AKR1B10: variants seen among roughly 807,000 people sequenced by gnomAD.
AKR1B10 encodes the protein aldo-keto reductase family 1 member B10.
In AKR1B10, 39 loss-of-function variants were observed where a neutral mutation model predicts 38.9. That is an observed-to-expected ratio of 1.00 (90% CI 0.78 to 1.31). AKR1B10 has a LOEUF of 1.31. Among genes scored for constraint, AKR1B10 ranks in the 50% most tolerant of loss-of-function variants. The pLI, the probability that AKR1B10 is intolerant of heterozygous loss-of-function variation, is 0.00. For missense variants in AKR1B10, 361 were observed against 382.6 expected (o/e 0.94, Z 0.47); for synonymous variants, 148 against 141.2 (o/e 1.05, Z -0.34).
chr7:134,537,691 A>C (rs1256934022), intron 7 of AKR1B10, 30 bp downstream of exon 7: 7 of 1,610,342 alleles, frequency 4.3e-6, no homozygotes, highest in Non-Finnish European at 5.9e-6. Context: ...CTTGTTATCC[A>C]ACAACTCATT....
chr7:134,531,692 C>G (rs1646764), intron 2 of AKR1B10, among the ~76,000 whole-genome samples: 77,581 of 152,086 alleles, frequency 0.51, 20,754 homozygotes, highest in African/African-American at 0.67. Context: ...AGTACTAGGA[C>G]AGTTGAAAAA....
intron 9 of AKR1B10, 33 bp downstream of exon 9, chr7:134,539,050 CAGG>C (rs1342258814): frequency 1.2e-6 from 2 of 1,612,990 alleles, no homozygotes; most frequent in Non-Finnish European, 1.7e-6. Context: ...GAAGCATTGC[CAGG>C]AGTTTTTCTA....
chr7:134,538,299 C>G (rs55687324), intron 8 of AKR1B10, 22 bp downstream of exon 8: 30,672 of 1,603,940 alleles, frequency 0.019, 512 homozygotes, highest in South Asian at 0.064. Flanking sequence ...GCTGGTCGGC[C>G]CTGGTATTCC....
At position 134,530,727 on chromosome 7, in the gene AKR1B10, A is replaced by G; in HGVS notation, c.151A>G (p.Asn51Asp). 1.2e-6 allele frequency: 2 copies of G among 1,614,104 alleles called. No individual in the cohort carries two copies. The highest frequency in any genetic ancestry group is 1.1e-5 in the South Asian group (1 of 91,078). ...CATTGACTGTGCCTATGTCTATCAG[A>G]ATGAACATGAAGTGGGGGAAGCCAT... ...RHIDCAYVYQ[N>D]EHEVGEAIQE... is the part of the protein sequence containing the mutation. The change falls in exon 2 of 10, where the codon AAT (asparagine) becomes GAT (aspartate). Residue 51 changes from asparagine to aspartate, a missense_variant. Physicochemically the swap from Asn to Asp is conservative, Grantham distance 23. Transcript: ENST00000359579.
chr7:134,531,853 C>A, intron 2 of AKR1B10, 55 bp from the exon 3 acceptor site: 1 of 1,597,810 alleles, frequency 6.3e-7, no homozygotes, highest in Non-Finnish European at 8.6e-7. Flanking sequence ...ACAATGAGTA[C>A]AATGTGGCCC....
At position 134,530,790 on chromosome 7, in the gene AKR1B10, G is replaced by A; in HGVS notation, c.214G>A (p.Asp72Asn). 6.2e-7 allele frequency: 1 copy of A among 1,613,158 alleles called. No individual in the cohort carries two copies. Among genetic ancestry groups the A allele is most frequent in the East Asian group, 2.2e-5 (1 of 44,842 alleles). The part of the protein sequence containing the change: ...KIQEKAVKRE[D>N]LFIVSKLWPT... ...CCAAGAGAAGGCTGTGAAGCGGGAG[G>A]ACCTGTTCATCGTCAGCAAGGTGCA... Residue 72 changes from aspartate to asparagine, a missense_variant, in exon 2 of 10, where the codon GAC becomes AAC. Coordinates refer to ENST00000359579, the MANE Select transcript of AKR1B10 (RefSeq NM_020299.5).
chr7:134,528,058 G>A (rs1807735433), intron 1 of AKR1B10, 81 bp downstream of exon 1: 2 of 1,559,160 alleles, frequency 1.3e-6, no homozygotes, highest in Non-Finnish European at 1.8e-6. Context: ...AGCCAGGAAA[G>A]CCTGGAGGTC....
chr7:134,535,585 CTTTTTTTTT>C (rs58628862), intron 4 of AKR1B10: 439 of 410,544 alleles, frequency 1.1e-3, no homozygotes, highest in Non-Finnish European at 1.3e-3. Flanking sequence ...TCTTTTCTGT[CTTTTTTTTT>C]TTTTTTTTTT....
intron 9 of AKR1B10, 22 bp from the exon 10 acceptor site, chr7:134,541,025 T>C (rs377168774): frequency 1.2e-5 from 18 of 1,526,454 alleles, no homozygotes; most frequent in Admixed American, 5.0e-5. Context: ...TCTCTGTTTT[T>C]GTTTTTTGTT....
At chr7:134,540,264 A>T (rs1003711256) in intron 9 of AKR1B10, among the ~76,000 whole-genome samples, 1 of 152,098 alleles carries the variant, frequency 6.6e-6, no homozygotes, top group African/African-American at 2.4e-5. Flanking sequence ...CTTGCATGTC[A>T]TGATATTCCA....
Position 134,535,608 on chromosome 7 carries a change from T to TTTTTTG in AKR1B10, c.430-1042_430-1041insTTTTTG, listed in dbSNP as rs1554396830. The TTTTTTG allele has an allele frequency of 4.5e-6, 4 of 879,538 alleles. No individual in the cohort carries two copies. In the Admixed American group the frequency reaches 3.5e-4, roughly 77 times the overall value. The allele number at this position is 879,538 out of a possible 1,614,324, so 54.5% of individuals were successfully genotyped here. ...GTCTTTTTTTTTTTTTTTTTTTTTTTCTTTTGAGGCCCAGCTTATACTCTA... is the reference window on the plus strand; with the variant it reads ...GTCTTTTTTTTTTTTTTTTTTTTTTTTTTTTGCTTTTGAGGCCCAGCTTATACTCTA... On this transcript the variant is annotated intron_variant, in intron 4 of 9. Coordinates refer to ENST00000359579, the MANE Select transcript of AKR1B10 (RefSeq NM_020299.5).
intron 7 of AKR1B10, 148 bp downstream of exon 7, chr7:134,537,809 AC>A (rs1361690626): frequency 2.1e-6 from 2 of 933,250 alleles, no homozygotes; most frequent in African/African-American, 3.4e-5. Context: ...GTCTGTTGGA[AC>A]CTCTAGGAAA....
At chr7:134,529,376 T>A (rs544979303) in intron 1 of AKR1B10, among the ~76,000 whole-genome samples, 44 of 152,290 alleles carry the variant, frequency 2.9e-4, no homozygotes, top group African/African-American at 9.9e-4. Flanking sequence ...GAATAAATAA[T>A]CACTTCCAGA....
intron 4 of AKR1B10, among the ~76,000 whole-genome samples, chr7:134,534,942 G>C (rs1367391153): frequency 1.3e-5 from 2 of 152,096 alleles, no homozygotes; most frequent in African/African-American, 2.4e-5. Context: ...CTACAACTCA[G>C]AGAAAATCTG....
intron 5 of AKR1B10, 30 bp downstream of exon 5, chr7:134,536,802 T>C (rs753499848): frequency 1.2e-5 from 19 of 1,612,788 alleles, no homozygotes; most frequent in Admixed American, 1.7e-5. Context: ...AGGGTAAGGG[T>C]CCTGCCCTAT....
At chr7:134,531,792 T>G in intron 2 of AKR1B10, 116 bp from the exon 3 acceptor site, 1 of 1,179,736 alleles carries the variant, frequency 8.5e-7, no homozygotes, top group Non-Finnish European at 1.2e-6. Context: ...ATCAGCTTTG[T>G]TACAAATGGC....
At chr7:134,532,124 C>A in intron 3 of AKR1B10, 100 bp downstream of exon 3, 2 of 1,391,420 alleles carry the variant, frequency 1.4e-6, no homozygotes, top group Non-Finnish European at 1.0e-6. Flanking sequence ...GGGCAGGAGG[C>A]CTTGCATTTC....
Position 134,538,234 on chromosome 7 carries a change from T to A in AKR1B10, c.782T>A (p.Ile261Asn). 1 of 1,614,096 alleles carries A rather than the reference T, an allele frequency of 6.2e-7. No individual in the cohort carries two copies. Among genetic ancestry groups the A allele is most frequent in the Non-Finnish European group, 8.5e-7 (1 of 1,179,982 alleles). ...CATATCCAGAGGAATGTGATTGTCA[T>A]CCCCAAGTCTGTGACACCAGCACGC... Reference protein sequence around the residue: ...RFHIQRNVIVIPKSVTPARIV... With the variant: ...RFHIQRNVIVNPKSVTPARIV... Residue 261 changes from isoleucine to asparagine, a missense_variant, in exon 8 of 10, where the codon ATC (isoleucine) becomes AAC (asparagine). Physicochemically the swap from Ile to Asn is moderately radical, Grantham distance 149 (BLOSUM62 -3). Coordinates refer to ENST00000359579, the MANE Select transcript of AKR1B10 (RefSeq NM_020299.5).
In AKR1B10 at chr7:134,541,281, A is replaced by G; in HGVS notation, c.*192A>G. The G allele has an allele frequency of 1.9e-6, 1 of 527,796 alleles. No homozygotes were observed. Among genetic ancestry groups the G allele is most frequent in the East Asian group, 3.4e-5 (1 of 29,562 alleles). The allele number at this position is 527,796 out of a possible 1,614,324, so 32.7% of individuals were successfully genotyped here. A position where few individuals can be genotyped will look rare whatever the true frequency, so the allele number is the denominator to read the frequency against. The stretch of plus-strand genomic sequence containing the variant: ...TCAACTAGGATCAGAATATCACAGA[A>G]AAGCATGGCTTGAATAAGGAAATGA... On this transcript the variant is annotated 3_prime_UTR_variant, in exon 10 of 10. Transcript: ENST00000359579.
Sources: allele counts gnomAD v4.1 joint callset (sites outside exome capture counted in the v4.1 genomes callset), GRCh38; gene constraint gnomAD v4.1.1; transcripts MANE v1.5; gene names NCBI Gene and HGNC (gene_info 2026-07-23, HGNC 2026-07-21).